The following DYNLL1 variants were observed in gnomAD, a reference collection of about 807,000 sequenced individuals.
DYNLL1 encodes the protein dynein light chain 1, cytoplasmic.
Under a neutral mutation model 10.1 loss-of-function variants are expected in DYNLL1, and 3 were observed. That is an observed-to-expected ratio of 0.30 (90% CI 0.14 to 0.77). DYNLL1 has a LOEUF of 0.77. DYNLL1 is among the 30% of genes least tolerant of loss of function. DYNLL1 has a pLI of 0.66. For missense variants in DYNLL1, 47 were observed against 111.7 expected, an observed-to-expected ratio of 0.42 and a Z score of 2.61; for synonymous variants, 46 against 41.2, an observed-to-expected ratio of 1.12 and a Z score of -0.45.
upstream of DYNLL1, chr12:120,495,953 A>C: frequency 4.6e-6 from 1 of 216,244 alleles, no homozygotes; most frequent in East Asian, 1.2e-4. Flanking sequence ...CTGCAACAAA[A>C]TGCAGGAGAA....
chr12:120,471,397 CA>C (rs1565919045), intron 1 of DYNLL1, among the ~76,000 whole-genome samples: 2 of 151,658 alleles, frequency 1.3e-5, no homozygotes, highest in African/African-American at 4.8e-5. Flanking sequence ...AAAACAAAAA[CA>C]AACAAAAAAA....
At chr12:120,485,066 A>C (rs1283882938) in intron 1 of DYNLL1, among the ~76,000 whole-genome samples, 1 of 151,864 alleles carries the variant, frequency 6.6e-6, no homozygotes, top group Non-Finnish European at 1.5e-5. Flanking sequence ...AGCTATTAAA[A>C]TTGGGCTGGG....
chr12:120,497,120 C>A (rs1204153553), intron 2 of DYNLL1: 2 of 171,100 alleles, frequency 1.2e-5, no homozygotes, highest in Non-Finnish European at 2.5e-5. Flanking sequence ...TGAAAGACTT[C>A]AGATGGAACA....
chr12:120,489,994 C>T (rs1335006570), intron 1 of DYNLL1, among the ~76,000 whole-genome samples: 5 of 152,340 alleles, frequency 3.3e-5, no homozygotes, highest in Middle Eastern at 3.4e-3. Flanking sequence ...GCAATCTGCC[C>T]GCCTTGGCCT....
chr12:120,470,974 G>C (rs1250684096), intron 1 of DYNLL1, among the ~76,000 whole-genome samples: 1 of 152,128 alleles, frequency 6.6e-6, no homozygotes, highest in Non-Finnish European at 1.5e-5. Context: ...GAGCCCGGGA[G>C]GCGAAGGTTG....
rs752930337 is a variant in DYNLL1, at chr12:120,496,572, GC to G, written c.132+21del. 6 of 1,613,620 alleles carry G rather than the reference GC, an allele frequency of 3.7e-6. No homozygotes were observed. The African/African-American group carries it at 8.0e-5, about 22-fold the overall frequency. ...CAAGAAGGTGAGGATGGGCGCGGGG[GC>G]CGATACGCAGCCGGGAGCAGGGGGT... On this transcript the variant is annotated intron_variant, in intron 2 of 2. Coordinates refer to ENST00000242577, the MANE Select transcript of DYNLL1 (RefSeq NM_003746.3).
chr12:120,482,870 T>G (rs1454532353), intron 1 of DYNLL1, among the ~76,000 whole-genome samples: 1 of 149,494 alleles, frequency 6.7e-6, no homozygotes, highest in Non-Finnish European at 1.5e-5. Flanking sequence ...CTTGAGTCCA[T>G]GAGTTCGAGA....
rs543394035 is a variant in DYNLL1, at chr12:120,477,339, A to G, written c.-7+7235A>G. ...TGGTGGCTTCACTCCTTGTCTGCTCAACATTTGTTCATGTATTCAACCCAC... is the reference window on the plus strand; with the variant it reads ...TGGTGGCTTCACTCCTTGTCTGCTCGACATTTGTTCATGTATTCAACCCAC... On this transcript the variant is annotated intron_variant, in intron 1 of 2. Transcript: ENST00000392509. Among the ~76,000 whole-genome samples, 6 of 152,296 alleles carry G rather than the reference A, an allele frequency of 3.9e-5. No homozygotes were observed. In the South Asian group the frequency reaches 1.0e-3, roughly 26 times the overall value.
intron 2 of DYNLL1, chr12:120,496,756 T>G: frequency 1.3e-6 from 1 of 747,180 alleles, no homozygotes; most frequent in East Asian, 2.7e-5. Context: ...TTTTTTTTTT[T>G]TTTTAATTAC....
At chr12:120,496,651 C>A (rs746443618) in intron 2 of DYNLL1, 98 bp downstream of exon 2, 130 of 1,602,432 alleles carry the variant, frequency 8.1e-5, no homozygotes, top group Non-Finnish European at 1.1e-4. Context: ...CCCGGGAATA[C>A]TGCTGGCGGC....
intron 1 of DYNLL1, among the ~76,000 whole-genome samples, chr12:120,483,659 C>T (rs1878932585): frequency 6.6e-6 from 1 of 151,918 alleles, no homozygotes; most frequent in Non-Finnish European, 1.5e-5. Flanking sequence ...ATGGGATGGG[C>T]ATTCAGGGGC....
At chr12:120,489,260 A>G (rs1042841695) in intron 1 of DYNLL1, among the ~76,000 whole-genome samples, 1 of 152,220 alleles carries the variant, frequency 6.6e-6, no homozygotes, top group African/African-American at 2.4e-5. Context: ...CCCAGAACTC[A>G]TATATCCAAC....
At chr12:120,481,072 A>C (rs1878871165) in intron 1 of DYNLL1, among the ~76,000 whole-genome samples, 1 of 151,808 alleles carries the variant, frequency 6.6e-6, no homozygotes, top group Non-Finnish European at 1.5e-5. Context: ...ATATTTCTTA[A>C]TTTCTTTTTT....
chr12:120,483,634 A>G (rs1878932336), intron 1 of DYNLL1, among the ~76,000 whole-genome samples: 1 of 152,122 alleles, frequency 6.6e-6, no homozygotes, highest in South Asian at 2.1e-4. Context: ...GCTATTTCAA[A>G]TAGGACTTAG....
intron 1 of DYNLL1, among the ~76,000 whole-genome samples, chr12:120,477,440 C>T (rs1013385108): frequency 1.3e-5 from 2 of 152,074 alleles, no homozygotes; most frequent in African/African-American, 4.8e-5. Context: ...TAAGACTCAA[C>T]CCTGCCCTCA....
intron 1 of DYNLL1, among the ~76,000 whole-genome samples, chr12:120,479,026 T>A (rs901036852): frequency 2.7e-5 from 4 of 145,636 alleles, no homozygotes; most frequent in Non-Finnish European, 6.0e-5. Context: ...TAGCTGGGCA[T>A]GGTGGCAGGT....
intron 1 of DYNLL1, among the ~76,000 whole-genome samples, chr12:120,481,170 C>T (rs1264985541): frequency 6.6e-6 from 1 of 152,174 alleles, no homozygotes; most frequent in African/African-American, 2.4e-5. Context: ...GATGTCTTAT[C>T]TTTGACACTA....
intron 1 of DYNLL1, among the ~76,000 whole-genome samples, chr12:120,479,757 G>T (rs1878843551): frequency 6.6e-6 from 1 of 152,206 alleles, no homozygotes; most frequent in African/African-American, 2.4e-5. Context: ...AAGCTAAATA[G>T]TTCAGCACAG....
At chr12:120,496,084 A>AGGC (rs982566275), upstream of DYNLL1, 4 of 419,386 alleles carry the variant, frequency 9.5e-6, no homozygotes, top group Non-Finnish European at 1.7e-5. Context: ...CCTGAGCACT[A>AGGC]GGCGGCGGCG....
Sources: allele counts gnomAD v4.1 joint callset (sites outside exome capture counted in the v4.1 genomes callset), GRCh38; gene constraint gnomAD v4.1.1; transcripts MANE v1.5; gene names NCBI Gene and HGNC (gene_info 2026-07-23, HGNC 2026-07-21).